Variants in VWA7 observed in about 807,000 individuals in gnomAD.
VWA7 encodes the protein von Willebrand factor A domain containing 7, also known as von Willebrand factor A domain-containing protein 7.
VWA7 carries 66 observed loss-of-function variants against 83.1 expected under a neutral mutation model. That is an observed-to-expected ratio of 0.79 (90% CI 0.65 to 0.98). The LOEUF is 0.98. Among genes scored for constraint, VWA7 ranks in the 50% least tolerant of loss-of-function variants. The probability of loss-of-function intolerance (pLI) is 0.00; values close to 1 mark genes in which losing one functional copy is unlikely to be tolerated. For synonymous variants in VWA7, 424 were observed against 488.5 expected (o/e 0.87, Z 1.74); for missense variants, 1,080 against 1,160.2 (o/e 0.93, Z 1.00).
rs1477635208 is a variant in VWA7 at position 31,775,850 on chromosome 6, C to T, written c.513+114G>A. On this transcript the variant is annotated intron_variant, in intron 3 of 16. Coordinates refer to ENST00000375688, the MANE Select transcript of VWA7 (RefSeq NM_025258.3). The surrounding 1 kb of genome is among the most constrained non-coding windows in gnomAD (Gnocchi z 5.9). ...CCTCGGGGCACCGCGTGCCAGTGCC[C>T]ACCCCTTCCAGAGTGGAGGAGACAT... is the stretch of plus-strand genomic sequence containing the variant. 2.8e-5 allele frequency: 41 copies of T among 1,480,238 alleles called. No homozygotes were observed. Among genetic ancestry groups the T allele is most frequent in the Non-Finnish European group, 3.6e-5 (40 of 1,113,438 alleles). The allele number at this position is 1,480,238 out of a possible 1,614,324, so 91.7% of individuals were successfully genotyped here.
rs764168564 is a variant in VWA7 at position 31,766,695 on chromosome 6, G to A, written c.1952C>T (p.Pro651Leu). The change falls in exon 14 of 17, where the codon CCG (proline) becomes CTG (leucine). Residue 651 changes from proline to leucine, a missense_variant. Physicochemically the swap from Pro to Leu is moderately conservative, Grantham distance 98. Transcript: ENST00000375688. The surrounding 1 kb of genome is among the most constrained non-coding windows in gnomAD (Gnocchi z 4.9). Reference protein sequence around the residue: ...GSRANPGDPQPHFSHVILRGV... With the variant: ...GSRANPGDPQLHFSHVILRGV... ...TCGAAGGATGACGTGGGAGAAATGC[G>A]GCTGAGGATCCCCAGGATTGGCTCT... 4 of 1,612,482 alleles carry A rather than the reference G, an allele frequency of 2.5e-6. No homozygotes were observed. The highest frequency in any genetic ancestry group is 2.2e-5 in the South Asian group (2 of 91,068).
At chr6:31,771,587 C>A (rs543562057) in intron 7 of VWA7, 1 of 152,326 alleles carries the variant, frequency 6.6e-6, no homozygotes, top group Non-Finnish European at 1.5e-5. Context: ...AGTCTAACTT[C>A]TAATCAATGG....
In VWA7 at chr6:31,766,673, A is replaced by G. The variant is rs1811620865; in HGVS notation, c.1974T>C (p.Leu658=). Residue 658 remains leucine (L), a synonymous_variant, in exon 14 of 17, where the codon CTT becomes CTC. Transcript: ENST00000375688. This position sits in a 1 kb window ranked among gnomAD's most constrained non-coding sequence, Gnocchi z 4.9. ...DPQPHFSHVI[L]RGVPEGAELG... Reference sequence around the variant, plus strand: ...GTTCGGCACCCTCTGGGACCCCTCGAAGGATGACGTGGGAGAAATGCGGCT... The same window carrying G: ...GTTCGGCACCCTCTGGGACCCCTCGGAGGATGACGTGGGAGAAATGCGGCT... 3 of 1,612,686 alleles carry G rather than the reference A, an allele frequency of 1.9e-6. No individual in the cohort carries two copies. The highest frequency in any genetic ancestry group is 2.5e-6 in the Non-Finnish European group (3 of 1,179,852).
Position 31,775,530 on chromosome 6 carries a change from G to T in VWA7, c.514-101C>A. ...CTCCTTTGAGTTCCCCATCCCGAAAGTCCCCTCCCACCCCTACTGCTCCCA... is the reference window on the plus strand; with the variant it reads ...CTCCTTTGAGTTCCCCATCCCGAAATTCCCCTCCCACCCCTACTGCTCCCA... On this transcript the variant is annotated intron_variant, in intron 3 of 16. Transcript: ENST00000375688. The surrounding 1 kb of genome is among the most constrained non-coding windows in gnomAD (Gnocchi z 5.9). 1 of 1,052,760 alleles carries T rather than the reference G, an allele frequency of 9.5e-7. No homozygotes were observed. Among genetic ancestry groups the T allele is most frequent in the Non-Finnish European group, 1.4e-6 (1 of 725,974 alleles). 65.2% of individuals were successfully genotyped at this position (1,052,760 alleles called of 1,614,324 possible).
Position 31,773,474 on chromosome 6 carries a change from A to G in VWA7, c.722-37T>C. 6.6e-7 allele frequency: 1 copy of G among 1,508,620 alleles called. No individual in the cohort carries two copies. The highest frequency in any genetic ancestry group is 1.3e-5 in the South Asian group (1 of 78,448). 93.5% of individuals were successfully genotyped at this position (1,508,620 alleles called of 1,614,324 possible). A position where few individuals can be genotyped will look rare whatever the true frequency, so the allele number is the denominator to read the frequency against. On this transcript the variant is annotated intron_variant, in intron 5 of 16. Coordinates refer to ENST00000375688, the MANE Select transcript of VWA7 (RefSeq NM_025258.3). This position sits in a 1 kb window ranked among gnomAD's most constrained non-coding sequence, Gnocchi z 5.3. ...AAAGGGATCTGGAGAGTGGAGGTCA[A>G]AAACCCACTGCCTCCTAAGAAAATG...
Position 31,765,664 on chromosome 6 carries a change from A to T in VWA7, c.2606T>A (p.Leu869Gln), listed in dbSNP as rs896234903. 1.9e-6 allele frequency: 3 copies of T among 1,606,440 alleles called. No homozygotes were observed. The highest frequency in any genetic ancestry group is 2.5e-6 in the Non-Finnish European group (3 of 1,177,100). Residue 869 changes from leucine (L) to glutamine (Q), a missense_variant, in exon 17 of 17, where the codon CTG becomes CAG. Transcript: ENST00000375688. ...LVTQGRAGAG[L>Q]AAGSPWWGTV... ...GCCCCACCAGGGGCTGCCCGCAGCC[A>T]GCCCTGCCCCAGCCCTGCCTTGAGT... is the stretch of plus-strand genomic sequence containing the variant.
Position 31,766,548 on chromosome 6 carries a change from A to G in VWA7, c.2099T>C (p.Leu700Pro). 1 of 1,612,834 alleles carries G rather than the reference A, an allele frequency of 6.2e-7. No individual in the cohort carries two copies. The highest frequency in any genetic ancestry group is 8.5e-7 in the Non-Finnish European group (1 of 1,179,958). Residue 700 changes from leucine (L) to proline (P), a missense_variant, in exon 14 of 17, where the codon CTG becomes CCG. Transcript: ENST00000375688. This position sits in a 1 kb window ranked among gnomAD's most constrained non-coding sequence, Gnocchi z 4.9. ...TLLSTPRPFS[L>P]ELIGQDAAGR... ...CGCTGCGTCCTGGCCAATCAGCTCC[A>G]GGGAGAAGGGTCTAGGGGTGGACAG...
rs895618833 is a variant in VWA7 at position 31,767,246 on chromosome 6, C to T, written c.1794G>A (p.Gln598=). 6.2e-7 allele frequency: 1 copy of T among 1,610,690 alleles called. No homozygotes were observed. The highest frequency in any genetic ancestry group is 8.5e-7 in the Non-Finnish European group (1 of 1,178,704). ...AGTGGAAGAGGAAGTCCAGGGAGGT[C>T]TGGGCTGGGAAAGGGCAAAGGCAGT... is the stretch of plus-strand genomic sequence containing the variant. ...EDTPGVRVQA[Q]TSLDFLFHFG... Residue 598 remains glutamine (Q), a synonymous_variant, in exon 13 of 17, where the codon CAG becomes CAA. Transcript: ENST00000375688.
At chr6:31,774,015 G>A (rs1361206657) in intron 5 of VWA7, among the ~76,000 whole-genome samples, 3 of 151,562 alleles carry the variant, frequency 2.0e-5, no homozygotes, top group Non-Finnish European at 2.9e-5. Context: ...TTAGCCGGGC[G>A]TGGTGGCACA....
At position 31,775,740 on chromosome 6, in the gene VWA7, C is replaced by T. The variant is rs1470930087; in HGVS notation, c.513+224G>A. Among the ~76,000 whole-genome samples the T allele has an allele frequency of 6.6e-6, 1 of 152,224 alleles. No individual in the cohort carries two copies. Among genetic ancestry groups the T allele is most frequent in the Non-Finnish European group, 1.5e-5 (1 of 68,038 alleles). On this transcript the variant is annotated intron_variant, in intron 3 of 16. Coordinates refer to ENST00000375688, the MANE Select transcript of VWA7 (RefSeq NM_025258.3). This position sits in a 1 kb window ranked among gnomAD's most constrained non-coding sequence, Gnocchi z 5.9. ...CTGACCTCGCAGCCTTCCTCTCTCA[C>T]CCTCACTTCTCTCCAGCCACAGCGC...
Position 31,766,868 on chromosome 6 carries a change from G to T in VWA7, c.1883-104C>A. 7.7e-7 allele frequency: 1 copy of T among 1,298,794 alleles called. No individual in the cohort carries two copies. 80.5% of individuals were successfully genotyped at this position (1,298,794 alleles called of 1,614,324 possible). On this transcript the variant is annotated intron_variant, in intron 13 of 16. Transcript: ENST00000375688. The surrounding 1 kb of genome is among the most constrained non-coding windows in gnomAD (Gnocchi z 4.9). The stretch of plus-strand genomic sequence containing the variant: ...GGGGTTCCCTCTGGGGAGTATGGAT[G>T]GGAAAATAGGTTACCTTCGAGGGGT...
At position 31,766,314 on chromosome 6, in the gene VWA7, G is replaced by C; in HGVS notation, c.2255C>G (p.Ser752Trp). ...VPLSLRIASFSGPQDLDLRTF... is the reference protein window; with the variant it reads ...VPLSLRIASFWGPQDLDLRTF... Reference sequence around the variant, plus strand: ...CCTAAGGTCAAGATCCTGAGGGCCCGAGAAGCTGGCGATGCGGAGACTGAG... The same window carrying C: ...CCTAAGGTCAAGATCCTGAGGGCCCCAGAAGCTGGCGATGCGGAGACTGAG... The change falls in exon 15 of 17, where the codon TCG becomes TGG. Residue 752 changes from serine (S) to tryptophan (W), a missense_variant. Physicochemically the swap from Ser to Trp is radical, Grantham distance 177. Transcript: ENST00000375688. The surrounding 1 kb of genome is among the most constrained non-coding windows in gnomAD (Gnocchi z 4.9). The C allele has an allele frequency of 6.2e-7, 1 of 1,611,778 alleles. No homozygotes were observed. Among genetic ancestry groups the C allele is most frequent in the South Asian group, 1.1e-5 (1 of 90,746 alleles).
At chr6:31,767,589 G>T (rs139222964) in intron 11 of VWA7, 33 bp downstream of exon 11, 1 of 1,600,584 alleles carries the variant, frequency 6.2e-7, no homozygotes, top group Non-Finnish European at 8.6e-7. Flanking sequence ...TCTATTCCCC[G>T]GTCCCCTCTC....
In VWA7 at chr6:31,766,132, G is replaced by A. The variant is rs1056613019; in HGVS notation, c.2325-75C>T. On this transcript the variant is annotated intron_variant, in intron 15 of 16. Coordinates refer to ENST00000375688, the MANE Select transcript of VWA7 (RefSeq NM_025258.3). The surrounding 1 kb of genome is among the most constrained non-coding windows in gnomAD (Gnocchi z 4.9). ...AGAGTCGGGACGCCTGCAGGGGCAC[G>A]GGAGCGGAGAGGAGGATTCTGAGGG... 6 of 1,596,080 alleles carry A rather than the reference G, an allele frequency of 3.8e-6. No individual in the cohort carries two copies. Among genetic ancestry groups the A allele is most frequent in the South Asian group, 3.3e-5 (3 of 89,782 alleles).
chr6:31,769,105 G>A lies in VWA7; in HGVS notation c.1416C>T (p.Ala472=). The change falls in exon 10 of 17, where the codon GCC becomes GCT. Residue 472 remains alanine (A), a synonymous_variant. Coordinates refer to ENST00000375688, the MANE Select transcript of VWA7 (RefSeq NM_025258.3). The surrounding 1 kb of genome is among the most constrained non-coding windows in gnomAD (Gnocchi z 4.5). ...PLRFEPYKAV[A]LASGGEVIFT... ...AGATCACCTCTCCTCCTGAGGCCAG[G>A]GCCACTGCTTTGTATGGCTCAAAAC... 6.2e-7 allele frequency: 1 copy of A among 1,613,092 alleles called. No homozygotes were observed. Among genetic ancestry groups the A allele is most frequent in the Non-Finnish European group, 8.5e-7 (1 of 1,180,040 alleles).
Position 31,766,407 on chromosome 6 carries a change from G to A in VWA7, c.2185-23C>T. The A allele has an allele frequency of 4.4e-6, 7 of 1,583,640 alleles. No individual in the cohort carries two copies. Among genetic ancestry groups the A allele is most frequent in the Non-Finnish European group, 6.0e-6 (7 of 1,165,430 alleles). ...AAGCTGCAGAGAAGGGTTCTTCAGGGAAGGGGCCGCTCTAACTCTCTCCAG... is the reference window on the plus strand; with the variant it reads ...AAGCTGCAGAGAAGGGTTCTTCAGGAAAGGGGCCGCTCTAACTCTCTCCAG... On this transcript the variant is annotated intron_variant, in intron 14 of 16. Coordinates refer to ENST00000375688, the MANE Select transcript of VWA7 (RefSeq NM_025258.3). The surrounding 1 kb of genome is among the most constrained non-coding windows in gnomAD (Gnocchi z 4.9).
chr6:31,776,943 AC>A lies in VWA7; in HGVS notation c.-15-150del, dbSNP rs1344782198. 2.1e-6 allele frequency: 1 copy of A among 477,030 alleles called. No homozygotes were observed. The highest frequency in any genetic ancestry group is 3.7e-6 in the Non-Finnish European group (1 of 273,532). The allele number at this position is 477,030 out of a possible 1,614,324, so 29.5% of individuals were successfully genotyped here. ...CCACCCTCTCGCTGTCACCCAGACA[AC>A]CTGAGGGCCTCATCGGACCATTAGG... On this transcript the variant is annotated intron_variant, in intron 1 of 16. Transcript: ENST00000375688. This position sits in a 1 kb window ranked among gnomAD's most constrained non-coding sequence, Gnocchi z 6.2.
rs146221400 is a variant in VWA7, at chr6:31,767,571, C to T, written c.1636+51G>A. 1.9e-6 allele frequency: 3 copies of T among 1,599,574 alleles called. No homozygotes were observed. In the African/African-American group the frequency reaches 4.0e-5, roughly 21 times the overall value. ...CACTTGCTCTCCTTGAGTACATCCCCTCGATTGTCTATTCCCCGGTCCCCT... is the reference window on the plus strand; with the variant it reads ...CACTTGCTCTCCTTGAGTACATCCCTTCGATTGTCTATTCCCCGGTCCCCT... On this transcript the variant is annotated intron_variant, in intron 11 of 16. Transcript: ENST00000375688.
chr6:31,768,792 C>T (rs781334178), intron 10 of VWA7, among the ~76,000 whole-genome samples: 8 of 151,390 alleles, frequency 5.3e-5, no homozygotes, highest in Non-Finnish European at 1.2e-4. Flanking sequence ...TGCAATGAGC[C>T]GAGATTGTGC....
Sources: allele counts gnomAD v4.1 joint callset (sites outside exome capture counted in the v4.1 genomes callset), GRCh38; gene constraint gnomAD v4.1.1; non-coding constraint Gnocchi (gnomAD v3.1); transcripts MANE v1.5; gene names NCBI Gene and HGNC (gene_info 2026-07-23, HGNC 2026-07-21).